The following LARGE1 variants were observed in gnomAD, a reference collection of about 807,000 sequenced individuals.
LARGE1 encodes LARGE xylosyl- and glucuronyltransferase 1.
In LARGE1, 43 loss-of-function variants were observed where a neutral mutation model predicts 87.6. The observed-to-expected ratio is 0.49, with a 90% confidence interval of 0.38 to 0.63. LARGE1 has a LOEUF of 0.63. Ranked by LOEUF, LARGE1 falls within the 30% of genes least tolerant of loss-of-function variation. The pLI is 0.00. For synonymous variants in LARGE1, 434 were observed against 394.6 expected (o/e 1.10, Z -1.18); for missense variants, 802 against 1,000.2 (o/e 0.80, Z 2.67).
In LARGE1 at chr22:33,303,009, T is replaced by C. The variant is rs181943739; in HGVS notation, c.1730+1220A>G. 5.1e-3 allele frequency among the ~76,000 whole-genome samples: 782 copies of C among 152,274 alleles called. 7 individuals are homozygous for C. Among genetic ancestry groups the C allele is most frequent in the African/African-American group, 0.018 (736 of 41,558 alleles). ...TATTGGCATAATTCATGCTGACCAA[T>C]GGCAGTAAATAAAGGATTTTTTTAA... On this transcript the variant is annotated intron_variant, in intron 12 of 14. Transcript: ENST00000397394.
intron 6 of LARGE1, among the ~76,000 whole-genome samples, chr22:33,543,505 T>C (rs1441556864): frequency 6.6e-6 from 1 of 152,214 alleles, no homozygotes; most frequent in Admixed American, 6.5e-5. Flanking sequence ...GTAAAGGCCC[T>C]GTCAATAAGG....
chr22:33,545,136 TTC>T (rs1395942103), intron 6 of LARGE1, among the ~76,000 whole-genome samples: 2 of 151,772 alleles, frequency 1.3e-5, no homozygotes, highest in Non-Finnish European at 1.5e-5. Context: ...GACGAATTCA[TTC>T]TCTCACTCTA....
intron 6 of LARGE1, among the ~76,000 whole-genome samples, chr22:33,485,816 G>C (rs1180195435): frequency 1.3e-5 from 2 of 152,076 alleles, no homozygotes; most frequent in Non-Finnish European, 2.9e-5. Flanking sequence ...CACTTACTCA[G>C]CTTTATTTTC....
At chr22:33,423,445 G>C (rs1331656921) in intron 7 of LARGE1, among the ~76,000 whole-genome samples, 1 of 151,952 alleles carries the variant, frequency 6.6e-6, no homozygotes, top group African/African-American at 2.4e-5. Context: ...GGGAGGCTGA[G>C]GTGGGCGGAT....
At chr22:33,454,550 C>G (rs573423184) in intron 6 of LARGE1, among the ~76,000 whole-genome samples, 1 of 144,888 alleles carries the variant, frequency 6.9e-6, no homozygotes, top group African/African-American at 2.6e-5. Flanking sequence ...ATCCGGGAGG[C>G]GGAGGTTGCA....
intron 6 of LARGE1, among the ~76,000 whole-genome samples, chr22:33,439,022 C>A (rs893772670): frequency 6.6e-6 from 1 of 151,868 alleles, no homozygotes; most frequent in Non-Finnish European, 1.5e-5. Flanking sequence ...ACCAGCCTGG[C>A]CAACATAGTG....
At chr22:33,761,292 A>C (rs568150695) in intron 2 of LARGE1, 79 bp downstream of exon 2, 6 of 1,129,734 alleles carry the variant, frequency 5.3e-6, no homozygotes, top group Non-Finnish European at 8.1e-6. Flanking sequence ...GATGGCTTTG[A>C]GTTTCTTTTC....
chr22:33,884,529 A>C (rs2064789601), intron 1 of LARGE1, among the ~76,000 whole-genome samples: 1 of 152,218 alleles, frequency 6.6e-6, no homozygotes, highest in African/African-American at 2.4e-5. Flanking sequence ...GTTTGGCTGG[A>C]GTGTCACAAC....
intron 1 of LARGE1, among the ~76,000 whole-genome samples, chr22:33,906,939 A>C (rs747538761): frequency 6.6e-6 from 1 of 152,106 alleles, no homozygotes; most frequent in Non-Finnish European, 1.5e-5. Flanking sequence ...ACACACATTA[A>C]CAAATTTAAT....
At chr22:33,581,598 G>T (rs2078520894) in intron 5 of LARGE1, among the ~76,000 whole-genome samples, 1 of 152,006 alleles carries the variant, frequency 6.6e-6, no homozygotes, top group South Asian at 2.1e-4. Flanking sequence ...CAGATCACGA[G>T]GTCAAGAGCT....
In LARGE1 at chr22:33,316,065, G is replaced by C; in HGVS notation, c.1451+20C>G. On this transcript the variant is annotated intron_variant, in intron 11 of 14. Coordinates refer to ENST00000397394, the MANE Select transcript of LARGE1 (RefSeq NM_133642.5). ...CAGCCGCGGTGAGGAGACTGGGGTG[G>C]GTGAGGCCGTCTGCCATACCTGTCC... 1 of 1,612,672 alleles carries C rather than the reference G, an allele frequency of 6.2e-7. No homozygotes were observed. The highest frequency in any genetic ancestry group is 8.5e-7 in the Non-Finnish European group (1 of 1,179,308).
chr22:33,888,728 G>C (rs566008229), intron 1 of LARGE1, among the ~76,000 whole-genome samples: 1 of 151,864 alleles, frequency 6.6e-6, no homozygotes, highest in Non-Finnish European at 1.5e-5. Context: ...ATGGTGGTGC[G>C]TGCCTGTAAT....
At chr22:33,454,249 C>A (rs2068045325) in intron 6 of LARGE1, among the ~76,000 whole-genome samples, 1 of 152,014 alleles carries the variant, frequency 6.6e-6, no homozygotes, top group Admixed American at 6.6e-5. Flanking sequence ...CCATAGTAAT[C>A]CTAGTTCAGG....
chr22:33,887,320 T>G (rs2064880618), intron 1 of LARGE1, among the ~76,000 whole-genome samples: 1 of 152,190 alleles, frequency 6.6e-6, no homozygotes, highest in South Asian at 2.1e-4. Flanking sequence ...CGCCCCTTCT[T>G]TCACGTAAGG....
intron 5 of LARGE1, among the ~76,000 whole-genome samples, chr22:33,599,208 T>C (rs1199296188): frequency 3.3e-5 from 5 of 152,212 alleles, no homozygotes; most frequent in Non-Finnish European, 7.3e-5. Flanking sequence ...AATATCAGCG[T>C]CAGCACTTGT....
the LARGE1 span, among the ~76,000 whole-genome samples, chr22:33,084,046 C>A: frequency 6.6e-6 from 1 of 152,162 alleles, no homozygotes; most frequent in East Asian, 1.9e-4. Context: ...TTTTGTCTCC[C>A]ACATGAGTTT....
chr22:33,207,981 C>A (rs1003487874), intron 11 of LARGE1, among the ~76,000 whole-genome samples: 3 of 152,142 alleles, frequency 2.0e-5, no homozygotes, highest in African/African-American at 7.2e-5. Flanking sequence ...CTAGTCTTTT[C>A]TTTAGACTGG....
chr22:33,439,489 A>T (rs2067392440), intron 6 of LARGE1, among the ~76,000 whole-genome samples: 1 of 151,942 alleles, frequency 6.6e-6, no homozygotes, highest in Admixed American at 6.6e-5. Flanking sequence ...CCCTCTGAAC[A>T]TCCTTCCCCT....
At chr22:33,074,879 T>A in the LARGE1 span, among the ~76,000 whole-genome samples, 7 of 152,318 alleles carry the variant, frequency 4.6e-5, no homozygotes, top group South Asian at 1.4e-3. Context: ...GAGTTTTTAT[T>A]CTGTACCAGA....
Sources: allele counts gnomAD v4.1 joint callset (sites outside exome capture counted in the v4.1 genomes callset), GRCh38; gene constraint gnomAD v4.1.1; transcripts MANE v1.5; gene names NCBI Gene and HGNC (gene_info 2026-07-23, HGNC 2026-07-21).